Variants in RFX6 observed in about 807,000 individuals in gnomAD.
RFX6 encodes regulatory factor X6, also known as DNA-binding protein RFX6.
A neutral mutation model predicts 110.8 loss-of-function variants in RFX6; 50 were observed. That is an observed-to-expected ratio of 0.45 (90% confidence interval 0.36 to 0.57). The LOEUF (loss-of-function observed/expected upper bound fraction) is 0.57. RFX6 is among the 20% of genes least tolerant of loss of function. The pLI is 0.00. For synonymous variants in RFX6, 383 were observed against 411.2 expected, an observed-to-expected ratio of 0.93 and a Z score of 0.83; for missense variants, 990 against 1,127.0, an observed-to-expected ratio of 0.88 and a Z score of 1.74.
At chr6:116,907,877 C>T (rs1445170911) in intron 6 of RFX6, among the ~76,000 whole-genome samples, 1 of 151,970 alleles carries the variant, frequency 6.6e-6, no homozygotes, top group Admixed American at 6.6e-5. Flanking sequence ...TTAATTTTGT[C>T]AATTTTTCTT....
At chr6:116,888,187 G>A (rs756045459) in intron 4 of RFX6, among the ~76,000 whole-genome samples, 2 of 152,108 alleles carry the variant, frequency 1.3e-5, no homozygotes, top group African/African-American at 2.4e-5. Context: ...GGGAACATAT[G>A]TTTCAGGAAT....
intron 6 of RFX6, among the ~76,000 whole-genome samples, chr6:116,905,691 G>A (rs1306173415): frequency 1.3e-5 from 2 of 151,546 alleles, no homozygotes; most frequent in African/African-American, 4.8e-5. Flanking sequence ...AGCTGGGACT[G>A]CAGGCGTGTG....
intron 7 of RFX6, among the ~76,000 whole-genome samples, chr6:116,912,949 T>C (rs916830568): frequency 6.6e-6 from 1 of 152,148 alleles, no homozygotes; most frequent in Non-Finnish European, 1.5e-5. Flanking sequence ...CTGACACTCT[T>C]TTTTGAGGAC....
intron 18 of RFX6, among the ~76,000 whole-genome samples, chr6:116,929,931 C>T (rs1291474108): frequency 1.3e-5 from 2 of 152,192 alleles, no homozygotes; most frequent in South Asian, 2.1e-4. Context: ...GTCACACATG[C>T]TCCCTGAGCA....
chr6:116,931,558 C>G lies in RFX6; in HGVS notation c.*52C>G. On this transcript the variant is annotated 3_prime_UTR_variant, in exon 19 of 19. Coordinates refer to ENST00000332958, the MANE Select transcript of RFX6 (RefSeq NM_173560.4). ...AACTTTAAAAAAAATCTCTACTGTG[C>G]AAATATCATTATTCACTCAGACTTC... 1 of 1,267,930 alleles carries G rather than the reference C, an allele frequency of 7.9e-7. No homozygotes were observed. Among genetic ancestry groups the G allele is most frequent in the Non-Finnish European group, 1.1e-6 (1 of 882,710 alleles). The allele number at this position is 1,267,930 out of a possible 1,614,324, so 78.5% of individuals were successfully genotyped here. A position where few individuals can be genotyped will look rare whatever the true frequency, so the allele number is the denominator to read the frequency against.
rs775804713 is a variant in RFX6, at chr6:116,925,532, C to A, written c.1758C>A (p.Ser586Arg). Residue 586 changes from serine to arginine, a missense_variant, in exon 16 of 19, where the codon AGC (serine) becomes AGA (arginine). Physicochemically the swap from Ser to Arg is moderately radical, Grantham distance 110 (BLOSUM62 -1). This residue lies in a region of RFX6 where 438 missense variants were observed against 441.9 expected (regional missense o/e 0.99). Transcript: ENST00000332958. Reference sequence around the variant, plus strand: ...GTAATAAAGGGAGCATGGTTTCCAGCGACGCTGTGAAGAATGAAAGCCACG... The same window carrying A: ...GTAATAAAGGGAGCATGGTTTCCAGAGACGCTGTGAAGAATGAAAGCCACG... ...ANRNKGSMVSSDAVKNESHVE... is the reference protein window; with the variant it reads ...ANRNKGSMVSRDAVKNESHVE... 6 of 1,613,880 alleles carry A rather than the reference C, an allele frequency of 3.7e-6. No individual in the cohort carries two copies. The African/African-American group carries it at 6.7e-5, about 18-fold the overall frequency.
chr6:116,880,846 T>C (rs1774575581), intron 3 of RFX6, among the ~76,000 whole-genome samples, 179 bp downstream of exon 3: 1 of 152,100 alleles, frequency 6.6e-6, no homozygotes, highest in Admixed American at 6.6e-5. Flanking sequence ...TGATTTTGAA[T>C]ATTAGAACCC....
rs201835260 is a variant in RFX6 at position 116,924,799 on chromosome 6, A to G, written c.1678+8A>G. The G allele has an allele frequency of 2.0e-4, 315 of 1,560,106 alleles. 2 individuals are homozygous for G. The highest frequency in any genetic ancestry group is 4.4e-5 in the Non-Finnish European group (50 of 1,131,452). ...AGTATATGAAGAATTCAGGTAACTT[A>G]AAATAACTGTTTTGTTTTGCATATT... On this transcript the variant is annotated splice_region_variant and intron_variant, in intron 15 of 18. Coordinates refer to ENST00000332958, the MANE Select transcript of RFX6 (RefSeq NM_173560.4).
intron 14 of RFX6, 172 bp downstream of exon 14, chr6:116,923,396 A>G (rs978052631): frequency 1.6e-6 from 1 of 612,722 alleles, no homozygotes; most frequent in Non-Finnish European, 2.9e-6. Flanking sequence ...TCAGACCATA[A>G]GCAGGATTAA....
Position 116,928,886 on chromosome 6 carries a change from C to T in RFX6, c.2526C>T (p.Asn842=), listed in dbSNP as rs1473094587. The change falls in exon 18 of 19, where the codon AAC becomes AAT. Residue 842 remains asparagine, a synonymous_variant. Transcript: ENST00000332958. Reference sequence around the variant, plus strand: ...ACAGTGACATCCACGATCCACTTAACATTTTAGATGACAGTGGTAGAAAAC... The same window carrying T: ...ACAGTGACATCCACGATCCACTTAATATTTTAGATGACAGTGGTAGAAAAC... ...PPYSDIHDPL[N]ILDDSGRKQT... is the part of the protein sequence containing the mutation. 5 of 1,613,522 alleles carry T rather than the reference C, an allele frequency of 3.1e-6. No individual in the cohort carries two copies. Among genetic ancestry groups the T allele is most frequent in the Non-Finnish European group, 4.2e-6 (5 of 1,179,550 alleles).
chr6:116,914,702 G>T (rs1015687584), intron 7 of RFX6, among the ~76,000 whole-genome samples: 1 of 152,114 alleles, frequency 6.6e-6, no homozygotes, highest in Non-Finnish European at 1.5e-5. Flanking sequence ...TGTGTATTGG[G>T]TTGTGGGAAT....
rs778016049 is a variant in RFX6, at chr6:116,877,269, C to G, written c.-7C>G. ...GGCGCGCGCGGAGGTGTCCGGCGGC[C>G]AGGAGGATGGCCAAGGTCCCGGAGC... On this transcript the variant is annotated 5_prime_UTR_variant, in exon 1 of 19. Coordinates refer to ENST00000332958, the MANE Select transcript of RFX6 (RefSeq NM_173560.4). The G allele has an allele frequency of 1.9e-6, 3 of 1,605,464 alleles. No individual in the cohort carries two copies. The African/African-American group carries it at 4.0e-5, about 22-fold the overall frequency.
chr6:116,895,652 A>ACACG (rs1347174647), intron 6 of RFX6, among the ~76,000 whole-genome samples: 1 of 151,354 alleles, frequency 6.6e-6, no homozygotes, highest in Non-Finnish European at 1.5e-5. Flanking sequence ...GTGTACACAC[A>ACACG]CACACACACA....
chr6:116,903,823 T>C (rs1210519980), intron 6 of RFX6, among the ~76,000 whole-genome samples: 2 of 152,084 alleles, frequency 1.3e-5, no homozygotes, highest in Non-Finnish European at 2.9e-5. Flanking sequence ...TAGGAAACTA[T>C]CCCAATGCGT....
chr6:116,923,307 A>G (rs1775642382), intron 14 of RFX6, 83 bp downstream of exon 14: 2 of 784,668 alleles, frequency 2.5e-6, no homozygotes, highest in Admixed American at 1.7e-5. Context: ...ATTTTTAAAC[A>G]TGTTACATCA....
chr6:116,899,054 CA>C (rs1248157557), intron 6 of RFX6, among the ~76,000 whole-genome samples: 1 of 151,908 alleles, frequency 6.6e-6, no homozygotes, highest in African/African-American at 2.4e-5. Context: ...GAGATGGTAG[CA>C]ACAGTCTTTG....
chr6:116,882,338 A>G, intron 3 of RFX6, 29 bp from the exon 4 acceptor site: 4 of 1,577,480 alleles, frequency 2.5e-6, no homozygotes, highest in Admixed American at 1.7e-5. Context: ...ATACTTTCTA[A>G]CGCCTAAAGT....
In RFX6 at chr6:116,920,405, T is replaced by G; in HGVS notation, c.1278T>G (p.Leu426=). 1 of 1,613,358 alleles carries G rather than the reference T, an allele frequency of 6.2e-7. No individual in the cohort carries two copies. Among genetic ancestry groups the G allele is most frequent in the Non-Finnish European group, 8.5e-7 (1 of 1,179,298 alleles). Reference sequence around the variant, plus strand: ...TGAACAGCATTGGCTCTCAAGCCCTTCTTACCATTTCAGGCAGCACAGACA... The same window carrying G: ...TGAACAGCATTGGCTCTCAAGCCCTGCTTACCATTTCAGGCAGCACAGACA... ...VDLNSIGSQA[L]LTISGSTDTE... The change falls in exon 12 of 19, where the codon CTT becomes CTG. Residue 426 remains leucine, a synonymous_variant. Transcript: ENST00000332958.
At chr6:116,919,080 T>G in intron 10 of RFX6, 57 bp from the exon 11 acceptor site, 1 of 1,474,022 alleles carries the variant, frequency 6.8e-7, no homozygotes, top group Non-Finnish European at 9.5e-7. Flanking sequence ...AATTAAAATA[T>G]GATTGTTTAA....
Sources: allele counts gnomAD v4.1 joint callset (sites outside exome capture counted in the v4.1 genomes callset), GRCh38; gene constraint gnomAD v4.1.1; regional missense constraint gnomAD v4.1.1; transcripts MANE v1.5; gene names NCBI Gene and HGNC (gene_info 2026-07-23, HGNC 2026-07-21).